LSAMP: variants seen among roughly 807,000 people sequenced by gnomAD.
The protein encoded by LSAMP is limbic system-associated membrane protein.
LSAMP carries 7 observed loss-of-function variants against 38.6 expected under a neutral mutation model. The ratio of observed to expected loss-of-function variants is 0.18; its 90% CI spans 0.10 to 0.34. The LOEUF (loss-of-function observed/expected upper bound fraction) is 0.34. Among genes scored for constraint, LSAMP ranks in the 10% least tolerant of loss-of-function variants. The pLI is 1.00. For missense variants in LSAMP, 313 were observed against 420.0 expected (o/e 0.75, Z 2.23); for synonymous variants, 154 against 166.8 (o/e 0.92, Z 0.59).
At chr3:115,892,760 A>G (rs59478805) in intron 3 of LSAMP, among the ~76,000 whole-genome samples, 8,176 of 151,178 alleles carry the variant, frequency 0.054, 715 homozygotes, top group African/African-American at 0.19. Context: ...ATCAAAATGG[A>G]AAAACTTTAC....
chr3:116,069,374 C>G (rs1707544526), intron 2 of LSAMP, among the ~76,000 whole-genome samples: 1 of 152,180 alleles, frequency 6.6e-6, no homozygotes, highest in Non-Finnish European at 1.5e-5. Context: ...AAATTTGGAA[C>G]AACGTTTGGA....
At chr3:115,998,502 G>A (rs548452211) in intron 3 of LSAMP, among the ~76,000 whole-genome samples, 5 of 151,972 alleles carry the variant, frequency 3.3e-5, no homozygotes, top group Non-Finnish European at 7.4e-5. Context: ...ACTTTCAGTG[G>A]TCACTAGACC....
At chr3:116,172,711 A>C (rs1451281968) in intron 1 of LSAMP, among the ~76,000 whole-genome samples, 1 of 151,938 alleles carries the variant, frequency 6.6e-6, no homozygotes, top group Non-Finnish European at 1.5e-5. Context: ...GTGGGATAGA[A>C]ATATAAGCAC....
intron 1 of LSAMP, among the ~76,000 whole-genome samples, chr3:116,118,897 A>C (rs1387653849): frequency 6.6e-6 from 1 of 152,212 alleles, no homozygotes; most frequent in Admixed American, 6.5e-5. Context: ...CCATGTGATC[A>C]TGCAGATCAG....
At chr3:116,300,471 C>G (rs76281645) in intron 1 of LSAMP, among the ~76,000 whole-genome samples, 4,364 of 152,250 alleles carry the variant, frequency 0.029, 202 homozygotes, top group African/African-American at 0.096. Flanking sequence ...CAGGGGTCCC[C>G]AGCCCCATAC....
intron 3 of LSAMP, among the ~76,000 whole-genome samples, chr3:115,979,760 C>T (rs542274356): frequency 4.6e-4 from 70 of 152,234 alleles, no homozygotes; most frequent in African/African-American, 1.7e-3. Flanking sequence ...TTTCTCTCCT[C>T]TGAATAAAGA....
chr3:116,016,958 C>T (rs1455684598), intron 3 of LSAMP, among the ~76,000 whole-genome samples: 1 of 152,070 alleles, frequency 6.6e-6, no homozygotes, highest in Non-Finnish European at 1.5e-5. Flanking sequence ...TATCTATTTT[C>T]CTGGTTGATA....
At chr3:115,847,464 A>T (rs1935195518) in intron 4 of LSAMP, among the ~76,000 whole-genome samples, 1 of 152,228 alleles carries the variant, frequency 6.6e-6, no homozygotes, top group Non-Finnish European at 1.5e-5. Flanking sequence ...GGGGCAGACC[A>T]GGCCCAATAC....
chr3:116,181,280 G>T (rs2107569301), intron 1 of LSAMP, among the ~76,000 whole-genome samples: 1 of 151,984 alleles, frequency 6.6e-6, no homozygotes, highest in East Asian at 1.9e-4. Flanking sequence ...ACCTTTAGTT[G>T]AGTCATTATG....
chr3:116,247,078 G>A lies in LSAMP; in HGVS notation c.156-160522C>T, dbSNP rs544027732. Among the ~76,000 whole-genome samples, 205 of 152,112 alleles carry A rather than the reference G, an allele frequency of 1.3e-3. 1 individual carries two copies. The highest frequency in any genetic ancestry group is 1.6e-3 in the Non-Finnish European group (110 of 68,024). ...TGGAAAAATTACATAGAACAGTATG[G>A]TATTAATAATTCATGCAGGGCTTAC... On this transcript the variant is annotated intron_variant, in intron 1 of 6. Coordinates refer to ENST00000490035, the MANE Select transcript of LSAMP (RefSeq NM_002338.5).
At chr3:116,328,186 G>A (rs1209581313) in intron 1 of LSAMP, among the ~76,000 whole-genome samples, 3 of 152,136 alleles carry the variant, frequency 2.0e-5, no homozygotes, top group African/African-American at 7.2e-5. Flanking sequence ...ATAGTCAGTT[G>A]GGCAATAAAG....
At chr3:116,041,302 C>T (rs1337651035) in intron 2 of LSAMP, among the ~76,000 whole-genome samples, 1 of 152,070 alleles carries the variant, frequency 6.6e-6, no homozygotes, top group African/African-American at 2.4e-5. Context: ...GAATATATAA[C>T]AAATAAGTGA....
At chr3:116,064,008 G>A (rs971392103) in intron 2 of LSAMP, among the ~76,000 whole-genome samples, 1 of 152,198 alleles carries the variant, frequency 6.6e-6, no homozygotes, top group South Asian at 2.1e-4. Context: ...TGGTAACATA[G>A]AGTAATGAAT....
At chr3:116,185,015 T>C (rs1383085589) in intron 1 of LSAMP, among the ~76,000 whole-genome samples, 3 of 140,762 alleles carry the variant, frequency 2.1e-5, no homozygotes, top group Admixed American at 7.3e-5. Context: ...AGATTTTTTC[T>C]TTCTTTCTTT....
At chr3:116,428,159 C>T (rs74837344) in intron 1 of LSAMP, among the ~76,000 whole-genome samples, 6,721 of 152,262 alleles carry the variant, frequency 0.044, 198 homozygotes, top group Non-Finnish European at 0.067. Context: ...TTGAACTGAA[C>T]ATATCATTAC....
At chr3:116,294,024 C>G (rs1485749546) in intron 1 of LSAMP, among the ~76,000 whole-genome samples, 1 of 151,982 alleles carries the variant, frequency 6.6e-6, no homozygotes, top group East Asian at 1.9e-4. Context: ...GTTTGATTCT[C>G]TAGCTGAAAG....
chr3:115,935,362 G>A (rs1937665092), intron 3 of LSAMP, among the ~76,000 whole-genome samples: 1 of 152,070 alleles, frequency 6.6e-6, no homozygotes, highest in Admixed American at 6.6e-5. Context: ...CCGGGTGGGG[G>A]GATAAAGAGG....
At chr3:116,333,752 G>A (rs2047884049) in intron 1 of LSAMP, among the ~76,000 whole-genome samples, 1 of 151,124 alleles carries the variant, frequency 6.6e-6, no homozygotes, top group Non-Finnish European at 1.5e-5. Context: ...AAAACATATG[G>A]GACATATTGA....
At chr3:115,936,635 C>G (rs1211288357) in intron 3 of LSAMP, among the ~76,000 whole-genome samples, 2 of 151,964 alleles carry the variant, frequency 1.3e-5, no homozygotes, top group Non-Finnish European at 2.9e-5. Flanking sequence ...AGAGAAGTAG[C>G]AATCTAAAAA....
Sources: allele counts gnomAD v4.1 joint callset (sites outside exome capture counted in the v4.1 genomes callset), GRCh38; gene constraint gnomAD v4.1.1; transcripts MANE v1.5; gene names NCBI Gene and HGNC (gene_info 2026-07-23, HGNC 2026-07-21).